PHF2: variants seen among roughly 807,000 people sequenced by gnomAD.
The protein encoded by PHF2 is PHD finger protein 2.
Under a neutral mutation model 120.5 loss-of-function variants are expected in PHF2, and 27 were observed. The observed-to-expected ratio is 0.22, with a 90% CI of 0.17 to 0.31. The LOEUF is 0.31. PHF2 is among the 10% of genes least tolerant of loss of function. The pLI is 1.00. For synonymous variants in PHF2, 568 were observed against 592.5 expected (o/e 0.96, Z 0.60); for missense variants, 1,024 against 1,434.8 (o/e 0.71, Z 4.63).
intron 3 of PHF2, among the ~76,000 whole-genome samples, chr9:93,642,807 C>A (rs999219084): frequency 6.6e-6 from 1 of 152,130 alleles, no homozygotes; most frequent in Admixed American, 6.5e-5. Context: ...TTCTCTGTAT[C>A]ATTTAAAAAT....
intron 1 of PHF2, among the ~76,000 whole-genome samples, chr9:93,627,101 C>T (rs1253812011): frequency 3.3e-5 from 5 of 152,108 alleles, no homozygotes; most frequent in Non-Finnish European, 5.9e-5. Context: ...GTAGTATTGC[C>T]GTCTTAACAC....
At position 93,620,568 on chromosome 9, in the gene PHF2, A is replaced by G. The variant is rs543165143; in HGVS notation, c.99-9402A>G. On this transcript the variant is annotated intron_variant, in intron 1 of 21. Coordinates refer to ENST00000359246, the MANE Select transcript of PHF2 (RefSeq NM_005392.4). ...GTGGACACAGGCCACAAGCACGTGGATATCTGGGAATTGCCCACTCTGCAT... is the reference window on the plus strand; with the variant it reads ...GTGGACACAGGCCACAAGCACGTGGGTATCTGGGAATTGCCCACTCTGCAT... Among the ~76,000 whole-genome samples the G allele has an allele frequency of 2.1e-4, 32 of 152,312 alleles. No homozygotes were observed. The East Asian group carries it at 6.2e-3, about 29-fold the overall frequency.
At chr9:93,642,051 G>T (rs1826180772) in intron 3 of PHF2, among the ~76,000 whole-genome samples, 1 of 152,158 alleles carries the variant, frequency 6.6e-6, no homozygotes, top group African/African-American at 2.4e-5. Context: ...TCTCCCCATT[G>T]AACTGTTTTG....
At position 93,676,716 on chromosome 9, in the gene PHF2, TACCACCCCGGCCTCC is replaced by T. The variant is rs761002352; in HGVS notation, c.2975_2989del (p.Thr992_Thr996del). 76 of 515,930 alleles carry T rather than the reference TACCACCCCGGCCTCC, an allele frequency of 1.5e-4. No homozygotes were observed. Among genetic ancestry groups the T allele is most frequent in the Admixed American group, 3.9e-4 (11 of 28,162 alleles). 32.0% of individuals were successfully genotyped at this position (515,930 alleles called of 1,614,324 possible). A position where few individuals can be genotyped will look rare whatever the true frequency, so the allele number is the denominator to read the frequency against. ...CCTCCACCTCCACCACGCCAGCCTC[TACCACCCCGGCCTCC>T]ACCACCCCGGCCTCCACCAGCACGG... On this transcript the variant is annotated inframe_deletion, in exon 21 of 22. Transcript: ENST00000359246.
rs765542572 is a variant in PHF2 at position 93,658,174 on chromosome 9, C to A, written c.1177C>A (p.Pro393Thr). The part of the protein sequence containing the change: ...GSHKSGKQLP[P>T]HLVQGAKILN... ...TCACAAATCTGGGAAGCAGCTGCCC[C>A]CTCATCTAGTCCAAGGAGCTAAAAT... The change falls in exon 10 of 22, where the codon CCT becomes ACT. Residue 393 changes from proline (P) to threonine (T), a missense_variant. Coordinates refer to ENST00000359246, the MANE Select transcript of PHF2 (RefSeq NM_005392.4). 15 of 1,613,332 alleles carry A rather than the reference C, an allele frequency of 9.3e-6. No homozygotes were observed. In the South Asian group the frequency reaches 1.7e-4, roughly 18 times the overall value.
intron 1 of PHF2, among the ~76,000 whole-genome samples, chr9:93,612,565 C>T (rs1302617638): frequency 1.3e-5 from 2 of 152,222 alleles, no homozygotes; most frequent in East Asian, 3.8e-4. Flanking sequence ...AATCACTAGT[C>T]AGGCAGATAC....
At chr9:93,631,585 C>T (rs1202683050) in intron 2 of PHF2, among the ~76,000 whole-genome samples, 23 of 152,234 alleles carry the variant, frequency 1.5e-4, no homozygotes, top group Admixed American at 3.9e-4. Flanking sequence ...AGCGGGGCAT[C>T]CTCATGCTTC....
chr9:93,577,232 G>T (rs1418858103), intron 1 of PHF2, among the ~76,000 whole-genome samples: 1 of 151,168 alleles, frequency 6.6e-6, no homozygotes, highest in African/African-American at 2.4e-5. Flanking sequence ...CGGGCATCCG[G>T]AGGGAGGCCG....
intron 12 of PHF2, among the ~76,000 whole-genome samples, chr9:93,661,784 A>T (rs1826571630): frequency 1.3e-5 from 2 of 151,538 alleles, no homozygotes; most frequent in South Asian, 4.2e-4. Flanking sequence ...AGATGGATAG[A>T]TGAATGGATG....
intron 17 of PHF2, among the ~76,000 whole-genome samples, chr9:93,669,529 T>A (rs1301929055): frequency 6.6e-6 from 1 of 152,206 alleles, no homozygotes; most frequent in Non-Finnish European, 1.5e-5. Context: ...CTTTCACACC[T>A]CAATCCTGCT....
intron 1 of PHF2, among the ~76,000 whole-genome samples, chr9:93,604,838 CT>C (rs34389956): frequency 0.38 from 56,895 of 151,596 alleles, 10,981 homozygotes; most frequent in Non-Finnish European, 0.4. Context: ...AATTCTGAGC[CT>C]TTTTTTTAGC....
intron 17 of PHF2, among the ~76,000 whole-genome samples, chr9:93,668,408 C>T (rs1229447077): frequency 6.6e-6 from 1 of 152,142 alleles, no homozygotes; most frequent in Non-Finnish European, 1.5e-5. Flanking sequence ...AAGAAGTATG[C>T]ACTAGCTGAC....
intron 1 of PHF2, among the ~76,000 whole-genome samples, chr9:93,595,889 A>C (rs948910031): frequency 9.2e-5 from 14 of 152,214 alleles, no homozygotes; most frequent in African/African-American, 3.4e-4. Context: ...GGTTGTGTTA[A>C]TGTTAGTTTT....
chr9:93,582,832 A>G (rs1862956599), intron 1 of PHF2, among the ~76,000 whole-genome samples: 1 of 152,220 alleles, frequency 6.6e-6, no homozygotes, highest in South Asian at 2.1e-4. Context: ...AATTGCCAGA[A>G]TGTTTGCTTT....
At chr9:93,658,987 C>T (rs10821194) in intron 10 of PHF2, among the ~76,000 whole-genome samples, 50,204 of 152,144 alleles carry the variant, frequency 0.33, 8,810 homozygotes, top group Non-Finnish European at 0.39. Flanking sequence ...TATGCCCACT[C>T]TTGAGGGAGG....
intron 3 of PHF2, among the ~76,000 whole-genome samples, chr9:93,645,262 C>T (rs559721230): frequency 2.0e-5 from 3 of 152,310 alleles, no homozygotes; most frequent in African/African-American, 4.8e-5. Context: ...GAGCTGCCCC[C>T]GTCCTCACCT....
At position 93,580,094 on chromosome 9, in the gene PHF2, C is replaced by A. The variant is rs879472237; in HGVS notation, c.98+3223C>A. On this transcript the variant is annotated intron_variant, in intron 1 of 21. Coordinates refer to ENST00000359246, the MANE Select transcript of PHF2 (RefSeq NM_005392.4). ...GAAACAGGCCCTCCTTTGAAGCCCC[C>A]CTCTGTCCTTGGGATGTGTGTCCCT... Among the ~76,000 whole-genome samples the A allele has an allele frequency of 1.4e-4, 21 of 152,280 alleles. No individual in the cohort carries two copies. In the South Asian group the frequency reaches 4.4e-3, roughly 32 times the overall value.
At chr9:93,667,042 AC>A in intron 16 of PHF2, 37 bp from the exon 17 acceptor site, 1 of 1,575,872 alleles carries the variant, frequency 6.3e-7, no homozygotes, top group East Asian at 2.4e-5. Context: ...TGGTGGCCAG[AC>A]CCTCCCCTGA....
In PHF2 at chr9:93,663,436, C is replaced by T. The variant is rs1826615016; in HGVS notation, c.1819-81C>T. ...CCTTAGTCGTGTTCCCAGTAGCTGC[C>T]TCTTCTCACTGACACTAATTGGGGT... On this transcript the variant is annotated intron_variant, in intron 13 of 21. Coordinates refer to ENST00000359246, the MANE Select transcript of PHF2 (RefSeq NM_005392.4). 6 of 855,870 alleles carry T rather than the reference C, an allele frequency of 7.0e-6. No homozygotes were observed. In the South Asian group the frequency reaches 7.9e-5, roughly 11 times the overall value. The allele number at this position is 855,870 out of a possible 1,614,324, so 53.0% of individuals were successfully genotyped here.
Sources: allele counts gnomAD v4.1 joint callset (sites outside exome capture counted in the v4.1 genomes callset), GRCh38; gene constraint gnomAD v4.1.1; transcripts MANE v1.5; gene names NCBI Gene and HGNC (gene_info 2026-07-23, HGNC 2026-07-21).